Variants in FEM1A observed in about 807,000 individuals in gnomAD.
The protein encoded by FEM1A is protein fem-1 homolog A.
A neutral mutation model predicts 0.7 loss-of-function variants in FEM1A; 1 was observed. The ratio of observed to expected loss-of-function variants is 1.35; its 90% CI spans 0.48 to 6.40. FEM1A has a LOEUF of 6.40. FEM1A is among the 30% of genes most tolerant of loss of function. FEM1A has a pLI of 0.14. For synonymous variants in FEM1A, 391 were observed against 420.6 expected, an observed-to-expected ratio of 0.93 and a Z score of 0.86; for missense variants, 721 against 918.7, an observed-to-expected ratio of 0.78 and a Z score of 2.78.
At position 4,792,844 on chromosome 19, in the gene FEM1A, C is replaced by G. The variant is rs1252936653; in HGVS notation, c.990C>G (p.His330Gln). 1 of 1,612,176 alleles carries G rather than the reference C, an allele frequency of 6.2e-7. No individual in the cohort carries two copies. The highest frequency in any genetic ancestry group is 1.7e-5 in the Admixed American group (1 of 59,986). ...KHWRRAMELR[H>Q]QGGEYLPKPE... ...GGAGGCGGGCCATGGAGCTGCGTCA[C>G]CAGGGGGGCGAGTACCTGCCCAAAC... Residue 330 changes from histidine (H) to glutamine (Q), a missense_variant, in exon 1 of 1, where the codon CAC becomes CAG. Transcript: ENST00000269856. The surrounding 1 kb of genome is among the most constrained non-coding windows in gnomAD (Gnocchi z 6.7).
At position 4,792,313 on chromosome 19, in the gene FEM1A, C is replaced by A. The variant is rs750044044; in HGVS notation, c.459C>A (p.Cys153Ter). ...TGGCCAACCGGCACGGCCACACGTG[C>A]CTCATGATCTCGTGCTACAAGGGCC... ...LEVANRHGHT[C>*]LMISCYKGHR... The change falls in exon 1 of 1, where the codon TGC (cysteine) becomes TGA (stop). Residue 153 changes from cysteine (C) to a stop codon, truncating the protein, a stop_gained. Transcript: ENST00000269856. LOFTEE classifies it low-confidence loss of function (END_TRUNC). The surrounding 1 kb of genome is among the most constrained non-coding windows in gnomAD (Gnocchi z 6.7). 1 of 1,589,542 alleles carries A rather than the reference C, an allele frequency of 6.3e-7. No individual in the cohort carries two copies. The highest frequency in any genetic ancestry group is 8.5e-7 in the Non-Finnish European group (1 of 1,175,954).
At position 4,796,175 on chromosome 19, in the gene FEM1A, A is replaced by G. The variant is rs1389235403; in HGVS notation, c.*2311A>G. 6.8e-6 allele frequency: 1 copy of G among 147,740 alleles called. No individual in the cohort carries two copies. The highest frequency in any genetic ancestry group is 2.5e-5 in the African/African-American group (1 of 39,842). The allele number at this position is 147,740 out of a possible 1,614,324, so 9.2% of individuals were successfully genotyped here. ...TGGGAAGCCTGGGCAACATAGTAAG[A>G]CCTCTGTCTCTACATTTTTTTTTTT... On this transcript the variant is annotated 3_prime_UTR_variant, in exon 1 of 1. Coordinates refer to ENST00000269856, the MANE Select transcript of FEM1A (RefSeq NM_018708.3).
At position 4,793,133 on chromosome 19, in the gene FEM1A, CTG is replaced by C; in HGVS notation, c.1280_1281del (p.Leu427GlnfsTer153). 2 of 1,613,586 alleles carry C rather than the reference CTG, an allele frequency of 1.2e-6. No homozygotes were observed. The highest frequency in any genetic ancestry group is 1.1e-5 in the South Asian group (1 of 91,078). ...CATGCAACAGAGCAACCTGGAGCCT[CTG>C]AGCCCCATGACCGCCAGCAGCTTCC... ...LDMQQSNLEP[L>X]SPMTASSFLS... On this transcript the variant is annotated frameshift_variant, in exon 1 of 1. Coordinates refer to ENST00000269856, the MANE Select transcript of FEM1A (RefSeq NM_018708.3). LOFTEE classifies it low-confidence loss of function (END_TRUNC). This position sits in a 1 kb window ranked among gnomAD's most constrained non-coding sequence, Gnocchi z 5.1.
rs3034413 is a variant in FEM1A at position 4,797,158 on chromosome 19, C to CTTTTTTTTT, written c.*3311_*3319dup. 1.4e-5 allele frequency: 1 copy of CTTTTTTTTT among 73,308 alleles called. No individual in the cohort carries two copies. Among genetic ancestry groups the CTTTTTTTTT allele is most frequent in the Non-Finnish European group, 2.4e-5 (1 of 40,994 alleles). The allele number at this position is 73,308 out of a possible 1,614,324, so 4.5% of individuals were successfully genotyped here. Reference sequence around the variant, plus strand: ...ACGGCCCTCTTAAGATGAAGGTCATCTTTTTTTTTTTTTTTTTTTTTTTTT... The same window carrying CTTTTTTTTT: ...ACGGCCCTCTTAAGATGAAGGTCATCTTTTTTTTTTTTTTTTTTTTTTTTTTTTTTTTTT... On this transcript the variant is annotated 3_prime_UTR_variant, in exon 1 of 1. Transcript: ENST00000269856.
chr19:4,799,917 A>AAATAAAAAAAAAAT lies in FEM1A; in HGVS notation c.*6055_*6056insTAAAAAAAAAATAA, dbSNP rs2093566406. 3 of 143,208 alleles carry AAATAAAAAAAAAAT rather than the reference A, an allele frequency of 2.1e-5. No individual in the cohort carries two copies. Among genetic ancestry groups the AAATAAAAAAAAAAT allele is most frequent in the African/African-American group, 7.9e-5 (3 of 37,824 alleles). The allele number at this position is 143,208 out of a possible 1,614,324, so 8.9% of individuals were successfully genotyped here. On this transcript the variant is annotated 3_prime_UTR_variant, in exon 1 of 1. Transcript: ENST00000269856. ...AAGACTCTGTCTCAAAAAAAAAAAA[A>AAATAAAAAAAAAAT]AAAAAAAAAAAAAAAATGGGGCCAT...
In FEM1A at chr19:4,799,217, A is replaced by C. The variant is rs1025119904; in HGVS notation, c.*5353A>C. The C allele has an allele frequency of 2.6e-5, 4 of 152,132 alleles. No homozygotes were observed. The highest frequency in any genetic ancestry group is 9.7e-5 in the African/African-American group (4 of 41,418). The allele number at this position is 152,132 out of a possible 1,614,324, so 9.4% of individuals were successfully genotyped here. A position where few individuals can be genotyped will look rare whatever the true frequency, so the allele number is the denominator to read the frequency against. On this transcript the variant is annotated 3_prime_UTR_variant, in exon 1 of 1. Transcript: ENST00000269856. ...ATCACGAGGTCAGGAGTTCGAGACC[A>C]GCCTGGTCAACATGGTGAAACCCTA...
rs984192304 is a variant in FEM1A, at chr19:4,793,332, A to G, written c.1478A>G (p.Lys493Arg). The G allele has an allele frequency of 6.8e-6, 11 of 1,612,474 alleles. No individual in the cohort carries two copies. The African/African-American group carries it at 1.5e-4, about 22-fold the overall frequency. Residue 493 changes from lysine (K) to arginine (R), a missense_variant, in exon 1 of 1, where the codon AAG (lysine) becomes AGG (arginine). Lys to Arg is a conservative substitution (Grantham distance 26). Transcript: ENST00000269856. This position sits in a 1 kb window ranked among gnomAD's most constrained non-coding sequence, Gnocchi z 5.1. ...REPGDSAQFT[K>R]ALAIILHLLY... ...CCCGGAGACTCAGCCCAGTTCACCA[A>G]GGCGCTGGCCATCATCCTCCACCTG...
Position 4,795,347 on chromosome 19 carries a change from T to C in FEM1A, c.*1483T>C, listed in dbSNP as rs558328197. 6.1e-6 allele frequency: 1 copy of C among 165,052 alleles called. No individual in the cohort carries two copies. The highest frequency in any genetic ancestry group is 2.4e-5 in the African/African-American group (1 of 40,998). 10.2% of individuals were successfully genotyped at this position (165,052 alleles called of 1,614,324 possible). ...TGACCGGGGGTGTCCAGAAATATCC[T>C]GTCCCTGGATGGAAACTAGGTCTCG... On this transcript the variant is annotated 3_prime_UTR_variant, in exon 1 of 1. Coordinates refer to ENST00000269856, the MANE Select transcript of FEM1A (RefSeq NM_018708.3).
rs1245730967 is a variant in FEM1A, at chr19:4,792,430, G to A, written c.576G>A (p.Glu192=). The change falls in exon 1 of 1, where the codon GAG becomes GAA. Residue 192 remains glutamate, a synonymous_variant. Coordinates refer to ENST00000269856, the MANE Select transcript of FEM1A (RefSeq NM_018708.3). The surrounding 1 kb of genome is among the most constrained non-coding windows in gnomAD (Gnocchi z 6.7). ...KGNTALHDCA[E]SGSLEILQLL... is the part of the protein sequence containing the mutation. ...ACACGGCCCTGCATGACTGCGCCGA[G>A]TCCGGCAGCCTGGAGATCCTGCAGC... 1 of 1,596,090 alleles carries A rather than the reference G, an allele frequency of 6.3e-7. No homozygotes were observed. The highest frequency in any genetic ancestry group is 8.5e-7 in the Non-Finnish European group (1 of 1,179,522).
chr19:4,792,619 A>G lies in FEM1A; in HGVS notation c.765A>G (p.Gln255=), dbSNP rs368105597. The change falls in exon 1 of 1, where the codon CAA becomes CAG. Residue 255 remains glutamine (Q), a synonymous_variant. Transcript: ENST00000269856. The surrounding 1 kb of genome is among the most constrained non-coding windows in gnomAD (Gnocchi z 6.7). The part of the protein sequence containing the change: ...AGGEAQPGLP[Q]EDPSTSQGCA... ...GAGAGGCTCAGCCTGGGCTGCCCCA[A>G]GAAGACCCCTCCACCAGCCAGGGGT... 64 of 1,611,534 alleles carry G rather than the reference A, an allele frequency of 4.0e-5. No homozygotes were observed. Among genetic ancestry groups the G allele is most frequent in the Non-Finnish European group, 4.7e-5 (55 of 1,179,746 alleles).
Position 4,792,583 on chromosome 19 carries a change from G to T in FEM1A, c.729G>T (p.Gln243His). The change falls in exon 1 of 1, where the codon CAG becomes CAT. Residue 243 changes from glutamine to histidine, a missense_variant. This residue lies in a region of FEM1A where 137 missense variants were observed against 121.7 expected (regional missense o/e 1.13). Transcript: ENST00000269856. The surrounding 1 kb of genome is among the most constrained non-coding windows in gnomAD (Gnocchi z 6.7). ...YLIQEQPGQE[Q>H]VAGGEAQPGL... The stretch of plus-strand genomic sequence containing the variant: ...TCCAGGAGCAGCCCGGCCAGGAGCA[G>T]GTCGCAGGGGGAGAGGCTCAGCCTG... 1 of 1,609,444 alleles carries T rather than the reference G, an allele frequency of 6.2e-7. No individual in the cohort carries two copies. Among genetic ancestry groups the T allele is most frequent in the Non-Finnish European group, 8.5e-7 (1 of 1,179,668 alleles).
rs957223788 is a variant in FEM1A at position 4,798,272 on chromosome 19, G to A, written c.*4408G>A. The A allele has an allele frequency of 5.9e-5, 9 of 151,654 alleles. No homozygotes were observed. Among genetic ancestry groups the A allele is most frequent in the Non-Finnish European group, 1.2e-4 (8 of 68,538 alleles). The allele number at this position is 151,654 out of a possible 1,614,324, so 9.4% of individuals were successfully genotyped here. A position where few individuals can be genotyped will look rare whatever the true frequency, so the allele number is the denominator to read the frequency against. ...CAAACAAACAAAACAAAGCAGGTCC[G>A]GTATGGCAGGCGGGGGAACTGAGGC... On this transcript the variant is annotated 3_prime_UTR_variant, in exon 1 of 1. Coordinates refer to ENST00000269856, the MANE Select transcript of FEM1A (RefSeq NM_018708.3).
At position 4,793,004 on chromosome 19, in the gene FEM1A, C is replaced by T; in HGVS notation, c.1150C>T (p.Pro384Ser). The change falls in exon 1 of 1, where the codon CCC becomes TCC. Residue 384 changes from proline to serine, a missense_variant. This residue lies in a region of FEM1A where 379 missense variants were observed against 454.8 expected (regional missense o/e 0.83). Coordinates refer to ENST00000269856, the MANE Select transcript of FEM1A (RefSeq NM_018708.3). This position sits in a 1 kb window ranked among gnomAD's most constrained non-coding sequence, Gnocchi z 5.1. ...GTTGATCCGGGAGCGCATCCTCGGT[C>T]CCTCGCACCCGGACACTTCCTATTA... is the stretch of plus-strand genomic sequence containing the variant. ...ALLIRERILG[P>S]SHPDTSYYIR... 1 of 1,613,154 alleles carries T rather than the reference C, an allele frequency of 6.2e-7. No homozygotes were observed. The highest frequency in any genetic ancestry group is 1.1e-5 in the South Asian group (1 of 91,048).
In FEM1A at chr19:4,795,141, A is replaced by T. The variant is rs2093559647; in HGVS notation, c.*1277A>T. The T allele has an allele frequency of 6.0e-6, 1 of 167,022 alleles. No individual in the cohort carries two copies. The highest frequency in any genetic ancestry group is 1.5e-5 in the Non-Finnish European group (1 of 68,134). The allele number at this position is 167,022 out of a possible 1,614,324, so 10.3% of individuals were successfully genotyped here. On this transcript the variant is annotated 3_prime_UTR_variant, in exon 1 of 1. Coordinates refer to ENST00000269856, the MANE Select transcript of FEM1A (RefSeq NM_018708.3). The stretch of plus-strand genomic sequence containing the variant: ...TCTCAGGTTCCCGTGACTCAGGGTA[A>T]GGTGCTGGGGCTGCCAGAGGACCTG...
Position 4,792,659 on chromosome 19 carries a change from G to C in FEM1A, c.805G>C (p.Gly269Arg). ...CAGCCAGGGGTGTGCGCAGCCTCAG[G>C]GGGCTCCGTGCTGCAGCTCCTCCCC... ...STSQGCAQPQ[G>R]APCCSSSPEE... The change falls in exon 1 of 1, where the codon GGG becomes CGG. Residue 269 changes from glycine (G) to arginine (R), a missense_variant. By Grantham distance (125) the Gly-to-Arg change is moderately radical (BLOSUM62 -2). Around this residue, in one of 4 missense-constraint regions of FEM1A, gnomAD observed 137 missense variants for 121.7 expected, o/e 1.13. Coordinates refer to ENST00000269856, the MANE Select transcript of FEM1A (RefSeq NM_018708.3). The surrounding 1 kb of genome is among the most constrained non-coding windows in gnomAD (Gnocchi z 6.7). The C allele has an allele frequency of 6.2e-7, 1 of 1,612,120 alleles. No individual in the cohort carries two copies. The highest frequency in any genetic ancestry group is 8.5e-7 in the Non-Finnish European group (1 of 1,179,850).
Position 4,792,105 on chromosome 19 carries a change from C to G in FEM1A, c.251C>G (p.Ala84Gly). 6.6e-7 allele frequency: 1 copy of G among 1,523,106 alleles called. No individual in the cohort carries two copies. Among genetic ancestry groups the G allele is most frequent in the South Asian group, 1.2e-5 (1 of 83,328 alleles). 94.3% of individuals were successfully genotyped at this position (1,523,106 alleles called of 1,614,324 possible). The change falls in exon 1 of 1, where the codon GCG (alanine) becomes GGG (glycine). Residue 84 changes from alanine (A) to glycine (G), a missense_variant. Physicochemically the swap from Ala to Gly is moderately conservative, Grantham distance 60 (BLOSUM62 0). Coordinates refer to ENST00000269856, the MANE Select transcript of FEM1A (RefSeq NM_018708.3). This position sits in a 1 kb window ranked among gnomAD's most constrained non-coding sequence, Gnocchi z 6.7. ...TTCGATGGCGAGACCATCGAGGGCGCGCCGCCGCTGTGGGCCGCCTCCGCA... is the reference window on the plus strand; with the variant it reads ...TTCGATGGCGAGACCATCGAGGGCGGGCCGCCGCTGTGGGCCGCCTCCGCA... ...VHFDGETIEG[A>G]PPLWAASAAG...
At position 4,799,233 on chromosome 19, in the gene FEM1A, T is replaced by G. The variant is rs1318624094; in HGVS notation, c.*5369T>G. The G allele has an allele frequency of 6.6e-6, 1 of 151,730 alleles. No homozygotes were observed. The highest frequency in any genetic ancestry group is 1.5e-5 in the Non-Finnish European group (1 of 67,952). 9.4% of individuals were successfully genotyped at this position (151,730 alleles called of 1,614,324 possible). A position where few individuals can be genotyped will look rare whatever the true frequency, so the allele number is the denominator to read the frequency against. On this transcript the variant is annotated 3_prime_UTR_variant, in exon 1 of 1. Transcript: ENST00000269856. ...TTCGAGACCAGCCTGGTCAACATGG[T>G]GAAACCCTATCTATTCTAAAAATAC...
chr19:4,792,952 C>T lies in FEM1A; in HGVS notation c.1098C>T (p.Asp366=). Residue 366 remains aspartate (D), a synonymous_variant, in exon 1 of 1, where the codon GAC becomes GAT. Transcript: ENST00000269856. This position sits in a 1 kb window ranked among gnomAD's most constrained non-coding sequence, Gnocchi z 6.7. ...AGGAGCTGGAGGCGCTGATCACCGACCCGGATGAGATGCGCATGCAGGCCC... is the reference window on the plus strand; with the variant it reads ...AGGAGCTGGAGGCGCTGATCACCGATCCGGATGAGATGCGCATGCAGGCCC... ...TTEELEALIT[D]PDEMRMQALL... 6.2e-7 allele frequency: 1 copy of T among 1,612,770 alleles called. No individual in the cohort carries two copies. The highest frequency in any genetic ancestry group is 8.5e-7 in the Non-Finnish European group (1 of 1,179,912).
Position 4,794,260 on chromosome 19 carries a change from G to A in FEM1A, c.*396G>A, listed in dbSNP as rs573367990. 7.8e-5 allele frequency: 19 copies of A among 242,780 alleles called. No individual in the cohort carries two copies. The highest frequency in any genetic ancestry group is 3.9e-4 in the African/African-American group (17 of 44,146). 15.0% of individuals were successfully genotyped at this position (242,780 alleles called of 1,614,324 possible). ...AGTTGAGGACTGTCTGCCTTCCCTC[G>A]TCCCTTTACCTGGCCAGATAACTCC... On this transcript the variant is annotated 3_prime_UTR_variant, in exon 1 of 1. Transcript: ENST00000269856.
Sources: gnomAD v4.1 joint callset for allele counts on GRCh38, gnomAD v4.1.1 for gene constraint, gnomAD v4.1.1 regional missense constraint, Gnocchi (gnomAD v3.1) non-coding constraint, MANE v1.5 for transcripts, NCBI Gene and HGNC (gene_info 2026-07-23, HGNC 2026-07-21) for gene names.